CIAPIN1: variants seen among roughly 807,000 people sequenced by gnomAD.
CIAPIN1 encodes cytokine induced apoptosis inhibitor 1, also known as anamorsin.
CIAPIN1 carries 18 observed loss-of-function variants against 34.3 expected under a neutral mutation model. The ratio of observed to expected loss-of-function variants is 0.52; its 90% CI spans 0.36 to 0.78. CIAPIN1 has a LOEUF of 0.78. CIAPIN1 is among the 30% of genes least tolerant of loss of function. The pLI is 0.00. For synonymous variants in CIAPIN1, 131 were observed against 140.4 expected (o/e 0.93, Z 0.47); for missense variants, 310 against 372.5 (o/e 0.83, Z 1.38).
rs1903037015 is a variant in CIAPIN1 at position 57,429,642 on chromosome 16, C to T, written c.829-362G>A. Among the ~76,000 whole-genome samples, 3 of 151,894 alleles carry T rather than the reference C, an allele frequency of 2.0e-5. No individual in the cohort carries two copies. In the South Asian group the frequency reaches 6.2e-4, roughly 32 times the overall value. Reference sequence around the variant, plus strand: ...AAGTAGCTGGGACTACAGGCGCCCGCTACCATGCCCGGCAAATTTTTTTGT... The same window carrying T: ...AAGTAGCTGGGACTACAGGCGCCCGTTACCATGCCCGGCAAATTTTTTTGT... On this transcript the variant is annotated intron_variant, in intron 8 of 8. Transcript: ENST00000394391.
intron 2 of CIAPIN1, 73 bp from the exon 3 acceptor site, chr16:57,439,407 C>A (rs1806181946): frequency 1.3e-6 from 2 of 1,526,726 alleles, no homozygotes; most frequent in Non-Finnish European, 1.8e-6. Flanking sequence ...CAACCCCCAA[C>A]AAAAGCTACA....
chr16:57,434,283 A>G (rs774535863), intron 4 of CIAPIN1, 71 bp from the exon 5 acceptor site: 8 of 1,433,542 alleles, frequency 5.6e-6, no homozygotes, highest in Non-Finnish European at 6.8e-6. Flanking sequence ...CTACCTACAC[A>G]GGAGTCAAAG....
At chr16:57,437,512 T>TTGA (rs2146565148) in intron 3 of CIAPIN1, among the ~76,000 whole-genome samples, 2 of 150,060 alleles carry the variant, frequency 1.3e-5, no homozygotes, top group South Asian at 4.2e-4. Flanking sequence ...GTGATATTAT[T>TTGA]TTATTATTAT....
intron 4 of CIAPIN1, among the ~76,000 whole-genome samples, chr16:57,434,956 G>C (rs1394413556): frequency 2.0e-5 from 3 of 152,166 alleles, no homozygotes; most frequent in African/African-American, 7.2e-5. Flanking sequence ...GCAAGAAGTG[G>C]GATGTCACTT....
chr16:57,439,140 T>C (rs748472332), intron 3 of CIAPIN1, 42 bp downstream of exon 3: 1 of 1,608,632 alleles, frequency 6.2e-7, no homozygotes, highest in South Asian at 1.1e-5. Context: ...ACTCTAAGAC[T>C]CAACCCTGTC....
At position 57,447,365 on chromosome 16, in the gene CIAPIN1, C is replaced by A. The variant is rs1213083278; in HGVS notation, c.-79G>T. The A allele has an allele frequency of 2.5e-6, 2 of 799,028 alleles. No homozygotes were observed. The highest frequency in any genetic ancestry group is 1.7e-6 in the Non-Finnish European group (1 of 591,678). 49.5% of individuals were successfully genotyped at this position (799,028 alleles called of 1,614,324 possible). On this transcript the variant is annotated 5_prime_UTR_variant, in exon 1 of 9. Transcript: ENST00000394391. ...ACCTGCCGCCTGGGCTCGCTCCCGG[C>A]TTCTCTCCAGCCGTCGACTCCACGC...
At chr16:57,445,198 G>A (rs223856) in intron 1 of CIAPIN1, among the ~76,000 whole-genome samples, 7,503 of 152,198 alleles carry the variant, frequency 0.049, 276 homozygotes, top group African/African-American at 0.099. Context: ...TATCAGAAAG[G>A]AAAATCCTAA....
intron 1 of CIAPIN1, among the ~76,000 whole-genome samples, chr16:57,443,280 C>T (rs927788976): frequency 3.3e-5 from 5 of 151,560 alleles, no homozygotes; most frequent in Admixed American, 6.6e-5. Context: ...GCTGGGATTA[C>T]AGGCGTGCAC....
intron 4 of CIAPIN1, among the ~76,000 whole-genome samples, chr16:57,435,262 G>A (rs1192631702): frequency 1.3e-5 from 2 of 152,056 alleles, no homozygotes; most frequent in African/African-American, 2.4e-5. Context: ...CTTCTGCCAC[G>A]AGTAAAAGTT....
rs1903016278 is a variant in CIAPIN1 at position 57,428,972 on chromosome 16, A to G, written c.*198T>C. 1.9e-6 allele frequency: 1 copy of G among 535,844 alleles called. No individual in the cohort carries two copies. The highest frequency in any genetic ancestry group is 3.3e-6 in the Non-Finnish European group (1 of 299,424). 33.2% of individuals were successfully genotyped at this position (535,844 alleles called of 1,614,324 possible). A position where few individuals can be genotyped will look rare whatever the true frequency, so the allele number is the denominator to read the frequency against. On this transcript the variant is annotated 3_prime_UTR_variant, in exon 9 of 9. Coordinates refer to ENST00000394391, the MANE Select transcript of CIAPIN1 (RefSeq NM_020313.4). The stretch of plus-strand genomic sequence containing the variant: ...TCCCATTCTGAAACCAGGTCCCATA[A>G]TACCTTGGTCTTTTGATACACAGCA...
At chr16:57,446,397 A>AG (rs1163536431) in intron 1 of CIAPIN1, among the ~76,000 whole-genome samples, 8 of 152,290 alleles carry the variant, frequency 5.3e-5, no homozygotes, top group South Asian at 2.1e-4. Context: ...GCACCCGTGC[A>AG]GGGGGGAGCC....
intron 1 of CIAPIN1, among the ~76,000 whole-genome samples, chr16:57,442,056 T>C (rs536098232): frequency 6.6e-6 from 1 of 152,282 alleles, no homozygotes; most frequent in East Asian, 1.9e-4. Flanking sequence ...TTTTAAAATG[T>C]TGACTTCGGC....
intron 7 of CIAPIN1, 182 bp from the exon 8 acceptor site, chr16:57,430,521 G>C: frequency 3.3e-6 from 2 of 613,376 alleles, no homozygotes; most frequent in Non-Finnish European, 5.8e-6. Context: ...AGTGGGAGGA[G>C]GATGAGGGAA....
At chr16:57,436,803 A>G in intron 3 of CIAPIN1, 71 bp from the exon 4 acceptor site, 2 of 1,295,136 alleles carry the variant, frequency 1.5e-6, no homozygotes, top group Non-Finnish European at 2.2e-6. Flanking sequence ...GCTCAATCCT[A>G]TATGGGTTCG....
At chr16:57,443,983 A>G (rs1164639209) in intron 1 of CIAPIN1, among the ~76,000 whole-genome samples, 1 of 152,210 alleles carries the variant, frequency 6.6e-6, no homozygotes, top group Non-Finnish European at 1.5e-5. Flanking sequence ...TCCTTGGGAC[A>G]ATAGAAAGGG....
chr16:57,440,826 A>G lies in CIAPIN1; in HGVS notation c.103T>C (p.Leu35=), dbSNP rs754461397. 1 of 1,613,966 alleles carries G rather than the reference A, an allele frequency of 6.2e-7. No homozygotes were observed. The highest frequency in any genetic ancestry group is 1.1e-5 in the South Asian group (1 of 91,072). ...LKGLVDKLQA[L]TGNEGRVSVE... is the part of the protein sequence containing the mutation. ...GACACGCGGCCCTCATTGCCGGTTA[A>G]CGCTTGAAGCTTATCCACCAGACCT... Residue 35 remains leucine, a synonymous_variant, in exon 2 of 9, where the codon TTA becomes CTA. Transcript: ENST00000394391.
chr16:57,431,430 A>C (rs1316005640), intron 6 of CIAPIN1, 164 bp from the exon 7 acceptor site: 2 of 523,438 alleles, frequency 3.8e-6, no homozygotes, highest in Non-Finnish European at 6.9e-6. Flanking sequence ...CACATGCTCA[A>C]GAGGCCAACG....
At chr16:57,429,846 G>T (rs1231394588) in intron 8 of CIAPIN1, among the ~76,000 whole-genome samples, 2 of 151,226 alleles carry the variant, frequency 1.3e-5, no homozygotes, top group Non-Finnish European at 2.9e-5. Context: ...GAGTGCAGTG[G>T]TGCGATCTCA....
intron 3 of CIAPIN1, among the ~76,000 whole-genome samples, chr16:57,438,097 C>T (rs1903244506): frequency 6.6e-6 from 1 of 152,138 alleles, no homozygotes; most frequent in Non-Finnish European, 1.5e-5. Flanking sequence ...AAATTCCCAG[C>T]AAAGAATGCT....
Sources: gnomAD v4.1 joint callset for allele counts (sites outside exome capture counted in the v4.1 genomes callset) on GRCh38, gnomAD v4.1.1 for gene constraint, MANE v1.5 for transcripts, NCBI Gene and HGNC (gene_info 2026-07-23, HGNC 2026-07-21) for gene names.